NR3C2: variants seen among roughly 807,000 people sequenced by gnomAD.
The protein encoded by NR3C2 is mineralocorticoid receptor.
A neutral mutation model predicts 86.4 loss-of-function variants in NR3C2; 15 were observed. The ratio of observed to expected loss-of-function variants is 0.17; its 90% confidence interval spans 0.12 to 0.27. The LOEUF is 0.27. NR3C2 is among the 10% of genes least tolerant of loss of function. The pLI is 1.00. For synonymous variants in NR3C2, 458 were observed against 450.5 expected (o/e 1.02, Z -0.21); for missense variants, 960 against 1,195.6 (o/e 0.80, Z 2.91).
chr4:148,396,871 C>T (rs1030470786), intron 2 of NR3C2, among the ~76,000 whole-genome samples: 2 of 152,142 alleles, frequency 1.3e-5, no homozygotes, highest in Non-Finnish European at 2.9e-5. Context: ...ACTTGGTTCT[C>T]TCCAATCCCT....
intron 2 of NR3C2, among the ~76,000 whole-genome samples, chr4:148,378,813 GA>G (rs1561073532): frequency 6.6e-6 from 1 of 152,056 alleles, no homozygotes; most frequent in African/African-American, 2.4e-5. Flanking sequence ...ATAGCAGTGC[GA>G]GAACAGACTC....
At chr4:148,413,954 T>C (rs1748860733) in intron 2 of NR3C2, among the ~76,000 whole-genome samples, 1 of 152,184 alleles carries the variant, frequency 6.6e-6, no homozygotes, top group Non-Finnish European at 1.5e-5. Context: ...CTTCTAATTA[T>C]ATATCCTAGA....
chr4:148,410,283 CAAGTT>C (rs1469413624), intron 2 of NR3C2, among the ~76,000 whole-genome samples: 3 of 152,162 alleles, frequency 2.0e-5, no homozygotes, highest in African/African-American at 4.8e-5. Context: ...CATTCCAAGT[CAAGTT>C]AACTATGCTT....
At chr4:148,324,953 A>T (rs1164586059) in intron 2 of NR3C2, among the ~76,000 whole-genome samples, 1 of 152,118 alleles carries the variant, frequency 6.6e-6, no homozygotes, top group Non-Finnish European at 1.5e-5. Context: ...TTGCTTTACA[A>T]ATTACATGGG....
chr4:148,186,774 T>C (rs1331247466), intron 4 of NR3C2, among the ~76,000 whole-genome samples: 11 of 147,516 alleles, frequency 7.5e-5, no homozygotes, highest in African/African-American at 2.5e-4. Context: ...CTCCCACTCT[T>C]CCCCCCAAGT....
intron 2 of NR3C2, among the ~76,000 whole-genome samples, chr4:148,325,354 C>CTAAAAAGTAACTAA (rs1743908885): frequency 6.6e-6 from 1 of 152,084 alleles, no homozygotes; most frequent in African/African-American, 2.4e-5. Context: ...GAAAAATAAG[C>CTAAAAAGTAACTAA]AAAGTAACTA....
At chr4:148,084,054 A>G (rs1440455043) in intron 8 of NR3C2, among the ~76,000 whole-genome samples, 1 of 152,220 alleles carries the variant, frequency 6.6e-6, no homozygotes, top group South Asian at 2.1e-4. Flanking sequence ...AATTGGTGTA[A>G]CTGAAAGTGA....
At chr4:148,382,424 CACA>C (rs1747045549) in intron 2 of NR3C2, among the ~76,000 whole-genome samples, 1 of 152,116 alleles carries the variant, frequency 6.6e-6, no homozygotes, top group Admixed American at 6.5e-5. Flanking sequence ...TTTTAATCTT[CACA>C]ACAAGACCCT....
At chr4:148,443,488 G>A (rs1579306191), upstream of NR3C2, among the ~76,000 whole-genome samples, 1 of 152,092 alleles carries the variant, frequency 6.6e-6, no homozygotes, top group African/African-American at 2.4e-5. Context: ...TCTAAGGATC[G>A]GTTGTCTGCA....
At chr4:148,329,167 T>C (rs1364748215) in intron 2 of NR3C2, among the ~76,000 whole-genome samples, 1 of 152,092 alleles carries the variant, frequency 6.6e-6, no homozygotes, top group Admixed American at 6.6e-5. Flanking sequence ...TGGAGTAGCA[T>C]GGTGATATCC....
At chr4:148,412,413 G>A (rs993588307) in intron 2 of NR3C2, among the ~76,000 whole-genome samples, 1 of 152,082 alleles carries the variant, frequency 6.6e-6, no homozygotes. Context: ...CATAAGTGAA[G>A]TAAAAAAAGA....
chr4:148,251,984 G>A (rs1739600682), intron 3 of NR3C2, among the ~76,000 whole-genome samples: 1 of 151,952 alleles, frequency 6.6e-6, no homozygotes, highest in African/African-American at 2.4e-5. Context: ...TAGCTGATGT[G>A]TTAAGTACAT....
chr4:148,200,970 AAAAG>A (rs1736690132), intron 3 of NR3C2: 1 of 152,232 alleles, frequency 6.6e-6, no homozygotes, highest in Admixed American at 6.5e-5. Context: ...ATAGGTTAAA[AAAAG>A]AAAGAGAAAC....
At chr4:148,428,553 T>C (rs1323790543) in intron 2 of NR3C2, among the ~76,000 whole-genome samples, 1 of 152,212 alleles carries the variant, frequency 6.6e-6, no homozygotes, top group African/African-American at 2.4e-5. Context: ...TACTAATTTC[T>C]GGATTTTAAT....
intron 8 of NR3C2, 83 bp from the exon 9 acceptor site, chr4:148,081,582 T>G: frequency 1.3e-6 from 2 of 1,587,808 alleles, no homozygotes; most frequent in Admixed American, 1.7e-5. Context: ...TGGTGGGAAC[T>G]CAAATGACAA....
At chr4:148,106,975 TAAAGCAATGGCAACA>T (rs1560924883) in intron 8 of NR3C2, among the ~76,000 whole-genome samples, 4 of 152,028 alleles carry the variant, frequency 2.6e-5, no homozygotes, top group Non-Finnish European at 5.9e-5. Context: ...GTAAAACACC[TAAAGCAATGGCAACA>T]AAAGCCAAAA....
At position 148,382,429 on chromosome 4, in the gene NR3C2, C is replaced by G. The variant is rs150634094; in HGVS notation, c.1757+52675G>C. Among the ~76,000 whole-genome samples the G allele has an allele frequency of 2.1e-3, 317 of 152,242 alleles. 1 individual carries two copies. The highest frequency in any genetic ancestry group is 7.2e-3 in the African/African-American group (300 of 41,540). On this transcript the variant is annotated intron_variant, in intron 2 of 8. Transcript: ENST00000358102. ...TGCACATTAATTTTAATCTTCACAA[C>G]AAGACCCTAATGCTATTGTACTTGT...
intron 6 of NR3C2, among the ~76,000 whole-genome samples, chr4:148,138,973 C>T (rs893263324): frequency 6.6e-6 from 1 of 152,226 alleles, no homozygotes; most frequent in African/African-American, 2.4e-5. Flanking sequence ...CTGCCTTCTA[C>T]CATGAGATGA....
intron 1 of NR3C2, among the ~76,000 whole-genome samples, chr4:148,439,379 C>T (rs1396023729): frequency 2.6e-5 from 4 of 152,066 alleles, no homozygotes; most frequent in Non-Finnish European, 4.4e-5. Flanking sequence ...GCACATCTCT[C>T]CCCCCACACA....
Sources: gnomAD v4.1 joint callset for allele counts (sites outside exome capture counted in the v4.1 genomes callset) on GRCh38, gnomAD v4.1.1 for gene constraint, MANE v1.5 for transcripts, NCBI Gene and HGNC (gene_info 2026-07-23, HGNC 2026-07-21) for gene names.